GNAS: variants seen among roughly 807,000 people sequenced by gnomAD.
GNAS encodes the protein GNAS complex locus, also known as protein ALEX.
A neutral mutation model predicts 54.5 loss-of-function variants in GNAS; 8 were observed. That is an observed-to-expected ratio of 0.15 (90% confidence interval 0.09 to 0.26). The LOEUF is 0.26. Ranked by LOEUF, GNAS falls within the 10% of genes least tolerant of loss-of-function variation. The pLI, the probability that GNAS is intolerant of heterozygous loss-of-function variation, is 1.00. For synonymous variants in GNAS, 204 were observed against 191.4 expected, an observed-to-expected ratio of 1.07 and a Z score of -0.54; for missense variants, 170 against 529.8, an observed-to-expected ratio of 0.32 and a Z score of 6.67.
chr20:58,890,426 C>T (rs1309828839), upstream of GNAS, among the ~76,000 whole-genome samples: 1 of 151,606 alleles, frequency 6.6e-6, no homozygotes, highest in African/African-American at 2.4e-5. Flanking sequence ...TTGGGGGCAT[C>T]GTGTGGCGGC....
intron 1 of GNAS, among the ~76,000 whole-genome samples, chr20:58,860,347 GT>G (rs2086721194): frequency 6.9e-6 from 1 of 145,126 alleles, no homozygotes; most frequent in African/African-American, 2.6e-5. Context: ...TGGTTTTTTT[GT>G]TTTGTTTTGT....
At chr20:58,890,513 C>T (rs576666012), upstream of GNAS, 1 of 152,316 alleles carries the variant, frequency 6.6e-6, no homozygotes, top group African/African-American at 2.4e-5. Context: ...TGCGCAGCCC[C>T]TCGTGGGTGC....
intron 1 of GNAS, chr20:58,892,146 G>C: frequency 1.3e-5 from 12 of 959,528 alleles, no homozygotes; most frequent in Non-Finnish European, 1.5e-5. Context: ...TCTCGCTCTC[G>C]CTCTCCCCCT....
intron 1 of GNAS, among the ~76,000 whole-genome samples, chr20:58,885,409 C>G (rs1266485214): frequency 1.3e-5 from 2 of 152,200 alleles, no homozygotes; most frequent in African/African-American, 4.8e-5. Context: ...CGTCCACATT[C>G]TGTTTGAATT....
intron 1 of GNAS, among the ~76,000 whole-genome samples, chr20:58,875,750 C>T (rs894487129): frequency 3.9e-5 from 6 of 152,236 alleles, no homozygotes; most frequent in Non-Finnish European, 7.3e-5. Context: ...CTGACTCATT[C>T]CGGCTCCGGT....
intron 3 of GNAS, 128 bp from the exon 4 acceptor site, chr20:58,903,403 C>T: frequency 1.2e-6 from 1 of 832,932 alleles, no homozygotes; most frequent in Non-Finnish European, 2.0e-6. Flanking sequence ...AATCTTTGCA[C>T]AGATCCGAAC....
chr20:58,853,616 A>C lies in GNAS; in HGVS notation c.43+12730A>C, dbSNP rs2086276308. The stretch of plus-strand genomic sequence containing the variant: ...CCAGCTTGGGAGGCTTCTGGCCTAC[A>C]CTGGAGCAGCCTGGATTCCCCAGTG... On this transcript the variant is annotated intron_variant, in intron 1 of 12. Coordinates refer to the GNAS transcript ENST00000306090. This position sits in a 1 kb window ranked among gnomAD's most constrained non-coding sequence, Gnocchi z 4.4. 2 of 1,613,300 alleles carry C rather than the reference A, an allele frequency of 1.2e-6. No homozygotes were observed. Among genetic ancestry groups the C allele is most frequent in the East Asian group, 4.5e-5 (2 of 44,870 alleles).
At chr20:58,901,886 T>C (rs1601098309) in intron 3 of GNAS, among the ~76,000 whole-genome samples, 1 of 127,914 alleles carries the variant, frequency 7.8e-6, no homozygotes, top group East Asian at 2.5e-4. Context: ...CCTGCTCGTC[T>C]GCTCGTCTGC....
At chr20:58,848,875 T>C in intron 1 of GNAS, 1 of 398,552 alleles carries the variant, frequency 2.5e-6, no homozygotes, top group Non-Finnish European at 4.4e-6. Flanking sequence ...TTAGCTCCAC[T>C]CACCTAAAGG....
intron 1 of GNAS, among the ~76,000 whole-genome samples, chr20:58,848,720 A>T (rs1022958782): frequency 6.6e-6 from 1 of 152,150 alleles, no homozygotes; most frequent in Non-Finnish European, 1.5e-5. Context: ...GGACCCCAGT[A>T]AACCCACTAG....
At chr20:58,854,046 T>C in intron 1 of GNAS, 1 of 1,611,006 alleles carries the variant, frequency 6.2e-7, no homozygotes, top group Non-Finnish European at 8.5e-7. Flanking sequence ...AGTCGCGGCC[T>C]CGAGTGCGGT....
chr20:58,874,685 T>TCCA (rs2087686468), intron 1 of GNAS, among the ~76,000 whole-genome samples: 2 of 146,006 alleles, frequency 1.4e-5, no homozygotes, highest in African/African-American at 5.3e-5. Flanking sequence ...CTGGCCTGCC[T>TCCA]TCTATCTTTG....
chr20:58,844,682 G>C (rs1420086311), intron 1 of GNAS, among the ~76,000 whole-genome samples: 9 of 64,886 alleles, frequency 1.4e-4, no homozygotes, highest in Non-Finnish European at 2.6e-4. Flanking sequence ...CTCTACACTA[G>C]TGATTTAACC....
rs537219894 is a variant in GNAS, at chr20:58,910,549, G to A, written c.1039-134G>A. 8.2e-6 allele frequency: 10 copies of A among 1,216,376 alleles called. No individual in the cohort carries two copies. The highest frequency in any genetic ancestry group is 4.5e-5 in the African/African-American group (3 of 67,134). The allele number at this position is 1,216,376 out of a possible 1,614,324, so 75.3% of individuals were successfully genotyped here. On this transcript the variant is annotated intron_variant, in intron 12 of 12. Transcript: ENST00000371085. This position sits in a 1 kb window ranked among gnomAD's most constrained non-coding sequence, Gnocchi z 5.8. ...TCCAGTGTGGATTTGAGCTCTTTGC[G>A]CCCCTCTTTTTGCTTTTGTTTTCAT...
chr20:58,840,999 C>T lies in GNAS; in HGVS notation c.43+113C>T, dbSNP rs1232447027. The T allele has an allele frequency of 2.7e-5, 32 of 1,188,984 alleles. No homozygotes were observed. Among genetic ancestry groups the T allele is most frequent in the Non-Finnish European group, 3.9e-5 (32 of 829,444 alleles). The allele number at this position is 1,188,984 out of a possible 1,614,324, so 73.7% of individuals were successfully genotyped here. A position where few individuals can be genotyped will look rare whatever the true frequency, so the allele number is the denominator to read the frequency against. On this transcript the variant is annotated intron_variant, in intron 1 of 12. Coordinates refer to the GNAS transcript ENST00000306090. This position sits in a 1 kb window ranked among gnomAD's most constrained non-coding sequence, Gnocchi z 6.0. ...GGGGCGAGTGGGAAGAGAGGAGGCT[C>T]AGCTGGTCAGCCTGGGATCGGGGGT... is the stretch of plus-strand genomic sequence containing the variant.
At position 58,853,942 on chromosome 20, in the gene GNAS, T is replaced by A; in HGVS notation, c.43+13056T>A. 5 of 1,611,878 alleles carry A rather than the reference T, an allele frequency of 3.1e-6. No individual in the cohort carries two copies. Among genetic ancestry groups the A allele is most frequent in the Non-Finnish European group, 4.2e-6 (5 of 1,179,548 alleles). ...CCTCCCCCTGAGGAGACTATGCCAT[T>A]TGAGCTTGATGGAGAAGGATTTGGG... On this transcript the variant is annotated intron_variant, in intron 1 of 12. Coordinates refer to the GNAS transcript ENST00000306090. The surrounding 1 kb of genome is among the most constrained non-coding windows in gnomAD (Gnocchi z 4.4).
intron 1 of GNAS, among the ~76,000 whole-genome samples, chr20:58,846,873 T>C (rs1055642195): frequency 3.3e-5 from 5 of 152,362 alleles, no homozygotes; most frequent in African/African-American, 1.2e-4. Flanking sequence ...GCAGAAATTT[T>C]AAGCAGAGCT....
At position 58,859,916 on chromosome 20, in the gene GNAS, G is replaced by A. The variant is rs573678674; in HGVS notation, c.43+19030G>A. Among the ~76,000 whole-genome samples the A allele has an allele frequency of 7.1e-4, 108 of 152,316 alleles. 1 individual carries two copies. Among genetic ancestry groups the A allele is most frequent in the African/African-American group, 2.4e-3 (99 of 41,572 alleles). On this transcript the variant is annotated intron_variant, in intron 1 of 12. Coordinates refer to the GNAS transcript ENST00000306090. ...TGGGATTACAGGCATGAGCCATCGCGCCCGGCCATAAGGCACTTTTACTCA... is the reference window on the plus strand; with the variant it reads ...TGGGATTACAGGCATGAGCCATCGCACCCGGCCATAAGGCACTTTTACTCA...
Position 58,853,742 on chromosome 20 carries a change from A to G in GNAS, c.43+12856A>G, listed in dbSNP as rs2086283607. The G allele has an allele frequency of 6.2e-7, 1 of 1,613,628 alleles. No individual in the cohort carries two copies. Among genetic ancestry groups the G allele is most frequent in the African/African-American group, 1.3e-5 (1 of 74,920 alleles). ...TGGGAGGATACAGCCCTCCACCAGAAGAAGCTATGCCCTTTGAGTTTGACC... is the reference window on the plus strand; with the variant it reads ...TGGGAGGATACAGCCCTCCACCAGAGGAAGCTATGCCCTTTGAGTTTGACC... On this transcript the variant is annotated intron_variant, in intron 1 of 12. Transcript: ENST00000306090. The surrounding 1 kb of genome is among the most constrained non-coding windows in gnomAD (Gnocchi z 4.4).
Sources: allele counts gnomAD v4.1 joint callset (sites outside exome capture counted in the v4.1 genomes callset), GRCh38; gene constraint gnomAD v4.1.1; non-coding constraint Gnocchi (gnomAD v3.1); transcripts MANE v1.5; gene names NCBI Gene and HGNC (gene_info 2026-07-23, HGNC 2026-07-21).